The following ARHGAP10 variants were observed in gnomAD, a reference collection of about 807,000 sequenced individuals.
ARHGAP10 encodes the protein rho GTPase-activating protein 10.
Under a neutral mutation model 108.6 loss-of-function variants are expected in ARHGAP10, and 87 were observed. That is an observed-to-expected ratio of 0.80 (90% CI 0.67 to 0.96). The LOEUF is 0.96. ARHGAP10 is among the 40% of genes least tolerant of loss of function. The pLI, the probability that ARHGAP10 is intolerant of heterozygous loss-of-function variation, is 0.00. For missense variants in ARHGAP10, 939 were observed against 954.5 expected (o/e 0.98, Z 0.21); for synonymous variants, 347 against 341.1 (o/e 1.02, Z -0.19).
intron 6 of ARHGAP10, chr4:147,865,897 G>T (rs955083760): frequency 6.6e-6 from 1 of 152,178 alleles, no homozygotes; most frequent in Non-Finnish European, 1.5e-5. Flanking sequence ...CTCAGTCTCT[G>T]TTCAAGCCAT....
At chr4:147,991,812 C>T (rs752690874) in intron 18 of ARHGAP10, among the ~76,000 whole-genome samples, 10 of 152,254 alleles carry the variant, frequency 6.6e-5, no homozygotes, top group Non-Finnish European at 1.3e-4. Context: ...TTTTTCTGCA[C>T]GCTGAGTACC....
At chr4:148,055,723 G>A (rs1373981809) in intron 20 of ARHGAP10, among the ~76,000 whole-genome samples, 4 of 152,154 alleles carry the variant, frequency 2.6e-5, no homozygotes, top group African/African-American at 9.7e-5. Context: ...TGTTCTCAAA[G>A]GTGAACAAGT....
At chr4:148,026,872 T>C (rs1010542409) in intron 19 of ARHGAP10, among the ~76,000 whole-genome samples, 2 of 152,234 alleles carry the variant, frequency 1.3e-5, no homozygotes, top group African/African-American at 4.8e-5. Flanking sequence ...TCAAGTTATA[T>C]CCCATGTTTT....
chr4:148,000,022 A>G (rs747716349), intron 18 of ARHGAP10, among the ~76,000 whole-genome samples: 2 of 151,268 alleles, frequency 1.3e-5, no homozygotes, highest in Non-Finnish European at 2.9e-5. Context: ...GGTGTGCTGC[A>G]CCTATTAACT....
At chr4:148,012,921 C>G (rs1374809463) in intron 18 of ARHGAP10, among the ~76,000 whole-genome samples, 1 of 134,744 alleles carries the variant, frequency 7.4e-6, no homozygotes, top group Non-Finnish European at 1.5e-5. Context: ...GGGTATCTGT[C>G]TGGTTTTTTT....
At chr4:147,733,674 C>T (rs1467328606) in intron 1 of ARHGAP10, among the ~76,000 whole-genome samples, 3 of 152,172 alleles carry the variant, frequency 2.0e-5, no homozygotes, top group African/African-American at 7.2e-5. Flanking sequence ...TATACTGTCT[C>T]GGGCACCCAG....
intron 5 of ARHGAP10, among the ~76,000 whole-genome samples, chr4:147,860,474 C>A (rs536744829): frequency 8.6e-5 from 13 of 151,614 alleles, no homozygotes; most frequent in South Asian, 2.1e-4. Flanking sequence ...ACAAAAAAAA[C>A]CAGGAGAAAA....
At chr4:148,020,510 T>G (rs1410611966) in intron 18 of ARHGAP10, among the ~76,000 whole-genome samples, 1 of 151,784 alleles carries the variant, frequency 6.6e-6, no homozygotes, top group Admixed American at 6.6e-5. Flanking sequence ...TTCTCTTTGT[T>G]CAGCTCCTAC....
chr4:148,002,623 C>A (rs532704226), intron 18 of ARHGAP10, among the ~76,000 whole-genome samples: 1 of 152,134 alleles, frequency 6.6e-6, no homozygotes, highest in African/African-American at 2.4e-5. Context: ...GATTCAGCTT[C>A]TTCCTGGTTT....
intron 1 of ARHGAP10, among the ~76,000 whole-genome samples, chr4:147,792,253 G>A (rs1731152883): frequency 6.6e-6 from 1 of 152,150 alleles, no homozygotes; most frequent in African/African-American, 2.4e-5. Context: ...ATACCTTATT[G>A]TTTCTAACTT....
intron 1 of ARHGAP10, among the ~76,000 whole-genome samples, chr4:147,801,835 A>G (rs1731594225): frequency 6.6e-6 from 1 of 152,186 alleles, no homozygotes; most frequent in African/African-American, 2.4e-5. Flanking sequence ...TGCTGCAGAG[A>G]TGGAGAAATG....
intron 4 of ARHGAP10, among the ~76,000 whole-genome samples, chr4:147,856,086 A>G (rs966607352): frequency 6.6e-6 from 1 of 152,232 alleles, no homozygotes; most frequent in Non-Finnish European, 1.5e-5. Context: ...ACATTTTGAC[A>G]GCATGAGGAC....
At chr4:147,824,666 C>G (rs1056706812) in intron 3 of ARHGAP10, among the ~76,000 whole-genome samples, 1 of 152,076 alleles carries the variant, frequency 6.6e-6, no homozygotes, top group Non-Finnish European at 1.5e-5. Context: ...TGAGTGCAGG[C>G]AGGGGAAATG....
chr4:147,791,302 G>A (rs1001085518), intron 1 of ARHGAP10, among the ~76,000 whole-genome samples: 4 of 151,854 alleles, frequency 2.6e-5, no homozygotes, highest in African/African-American at 9.7e-5. Context: ...AGCAGAGACA[G>A]GGTTTTGCTA....
chr4:148,032,975 T>C (rs1728219450), intron 19 of ARHGAP10, among the ~76,000 whole-genome samples: 1 of 152,194 alleles, frequency 6.6e-6, no homozygotes, highest in Admixed American at 6.5e-5. Flanking sequence ...TAATCTCCTT[T>C]GGCAACACCC....
chr4:147,912,544 AACAAAT>A (rs1351286259), intron 12 of ARHGAP10, among the ~76,000 whole-genome samples: 2 of 108,598 alleles, frequency 1.8e-5, no homozygotes, highest in African/African-American at 3.7e-5. Context: ...CAAACAAACA[AACAAAT>A]ATATATATAT....
At chr4:148,034,161 A>G (rs1389761030) in intron 19 of ARHGAP10, among the ~76,000 whole-genome samples, 1 of 152,064 alleles carries the variant, frequency 6.6e-6, no homozygotes, top group Non-Finnish European at 1.5e-5. Context: ...TTTCGCTTAT[A>G]TTTTCTTGAG....
intron 18 of ARHGAP10, among the ~76,000 whole-genome samples, chr4:147,976,848 G>A (rs1449618681): frequency 1.3e-5 from 2 of 152,124 alleles, no homozygotes; most frequent in Non-Finnish European, 2.9e-5. Context: ...CAAAGCACTG[G>A]GGAAAATTGA....
intron 18 of ARHGAP10, among the ~76,000 whole-genome samples, chr4:147,993,318 T>C (rs1196718096): frequency 6.6e-6 from 1 of 152,204 alleles, no homozygotes; most frequent in Non-Finnish European, 1.5e-5. Flanking sequence ...TGAACTAAGA[T>C]TGGTCATGAG....
Sources: allele counts gnomAD v4.1 joint callset (sites outside exome capture counted in the v4.1 genomes callset), GRCh38; gene constraint gnomAD v4.1.1; transcripts MANE v1.5; gene names NCBI Gene and HGNC (gene_info 2026-07-23, HGNC 2026-07-21).